The following ERC1 variants were observed in gnomAD, a reference collection of about 807,000 sequenced individuals.
ERC1 encodes RAB6 interacting protein 2.
ERC1 carries 56 observed loss-of-function variants against 132.0 expected under a neutral mutation model. That is an observed-to-expected ratio of 0.42 (90% CI 0.34 to 0.53). ERC1 has a LOEUF of 0.53. ERC1 is among the 20% of genes least tolerant of loss of function. The probability of loss-of-function intolerance (pLI) is 0.03; values close to 1 mark genes in which losing one functional copy is unlikely to be tolerated. For synonymous variants in ERC1, 478 were observed against 476.1 expected (o/e 1.00, Z -0.05); for missense variants, 1,202 against 1,349.9 (o/e 0.89, Z 1.72).
At chr12:1,136,914 C>T (rs1949298878) in intron 7 of ERC1, among the ~76,000 whole-genome samples, 1 of 152,030 alleles carries the variant, frequency 6.6e-6, no homozygotes, top group Admixed American at 6.6e-5. Context: ...TTTTCTGACT[C>T]TTCTGACATA....
chr12:1,341,069 C>CTTTTTTTTTT lies in ERC1; in HGVS notation c.2781-30731_2781-30722dup, dbSNP rs35902573. 1.7e-3 allele frequency among the ~76,000 whole-genome samples: 107 copies of CTTTTTTTTTT among 63,114 alleles called. 19 individuals are homozygous for CTTTTTTTTTT. Among genetic ancestry groups the CTTTTTTTTTT allele is most frequent in the Non-Finnish European group, 2.0e-3 (71 of 35,044 alleles). 41.4% of individuals were successfully genotyped at this position (63,114 alleles called of 152,430 possible). On this transcript the variant is annotated intron_variant, in intron 15 of 18. Transcript: ENST00000360905. ...AATGTCCACTTATTCTTTTCTTTTT[C>CTTTTTTTTTT]TTTTTTTTTTTTTTTTTTTTTTTTT... is the stretch of plus-strand genomic sequence containing the variant.
At chr12:1,111,930 A>G (rs892511963) in intron 5 of ERC1, among the ~76,000 whole-genome samples, 6 of 151,988 alleles carry the variant, frequency 3.9e-5, no homozygotes, top group Non-Finnish European at 7.4e-5. Flanking sequence ...CCAACTTTCT[A>G]TTAGTTTGGA....
Position 1,444,593 on chromosome 12 carries a change from A to C in ERC1, c.3056A>C (p.Asn1019Thr), listed in dbSNP as rs760737387. ...CAGCCCCTCTTAGAACTTGACCAAA[A>C]TAGAAGTAAATTAAAGTTGTACATT... ...IIQPLLELDQ[N>T]RSKLKLYIGH... Residue 1019 changes from asparagine to threonine, a missense_variant, in exon 18 of 19, where the codon AAT becomes ACT. Physicochemically the swap from Asn to Thr is moderately conservative, Grantham distance 65. Coordinates refer to ENST00000360905, the MANE Select transcript of ERC1 (RefSeq NM_178040.4). 2 of 1,613,288 alleles carry C rather than the reference A, an allele frequency of 1.2e-6. No homozygotes were observed. The highest frequency in any genetic ancestry group is 2.7e-5 in the African/African-American group (2 of 74,814).
intron 8 of ERC1, among the ~76,000 whole-genome samples, chr12:1,144,400 C>T (rs982517054): frequency 9.2e-5 from 14 of 152,056 alleles, no homozygotes; most frequent in African/African-American, 3.1e-4. Context: ...TTATCCCTCA[C>T]CCATTCCCAC....
intron 12 of ERC1, among the ~76,000 whole-genome samples, chr12:1,211,441 C>A (rs1957864562): frequency 6.6e-6 from 1 of 151,478 alleles, no homozygotes; most frequent in Admixed American, 6.6e-5. Context: ...AGCCACCGTG[C>A]CCGGCCTAAG....
In ERC1 at chr12:1,236,781, C is replaced by T. The variant is rs761775560; in HGVS notation, c.2364C>T (p.Asp788=). 1.9e-6 allele frequency: 3 copies of T among 1,613,172 alleles called. No homozygotes were observed. The highest frequency in any genetic ancestry group is 1.1e-5 in the South Asian group (1 of 90,944). The part of the protein sequence containing the change: ...KIAELERQVK[D]QNKKVANLKH... ...CTTCTGTCATTAGGCAAGTGAAAGA[C>T]CAGAATAAGAAGGTAGCAAATCTGA... is the stretch of plus-strand genomic sequence containing the variant. Residue 788 remains aspartate, a synonymous_variant, in exon 13 of 19, where the codon GAC becomes GAT. Transcript: ENST00000360905.
chr12:1,031,905 A>G (rs991443045), intron 2 of ERC1, among the ~76,000 whole-genome samples: 3 of 152,154 alleles, frequency 2.0e-5, no homozygotes, highest in Admixed American at 6.5e-5. Flanking sequence ...TAAAACATAG[A>G]TTGCCAGGCC....
At chr12:1,122,599 GTGTCTCT>G (rs1478181084) in intron 7 of ERC1, among the ~76,000 whole-genome samples, 394 of 3,734 alleles carry the variant, frequency 0.11, 37 homozygotes, top group Middle Eastern at 0.75. Context: ...ATCTCTATCT[GTGTCTCT>G]ATCTCTATCT....
intron 2 of ERC1, among the ~76,000 whole-genome samples, chr12:1,074,554 C>G (rs746930610): frequency 1.7e-4 from 26 of 152,134 alleles, no homozygotes; most frequent in Non-Finnish European, 3.5e-4. Context: ...CTTTGGCCTC[C>G]CAGAGTGCTG....
At chr12:1,011,260 G>A (rs960711873) in intron 1 of ERC1, among the ~76,000 whole-genome samples, 1 of 152,074 alleles carries the variant, frequency 6.6e-6, no homozygotes, top group Non-Finnish European at 1.5e-5. Context: ...GTGCAGTGTT[G>A]CCATCACCGC....
intron 14 of ERC1, among the ~76,000 whole-genome samples, chr12:1,274,480 T>TTTTATTTATTTA (rs368234236): frequency 0.027 from 4,015 of 150,196 alleles, 201 homozygotes; most frequent in African/African-American, 0.095. Context: ...TTTTATTTTA[T>TTTTATTTATTTA]TTTATTTATT....
intron 18 of ERC1, among the ~76,000 whole-genome samples, chr12:1,469,746 T>C (rs915475426): frequency 9.9e-5 from 15 of 152,188 alleles, no homozygotes; most frequent in African/African-American, 3.4e-4. Flanking sequence ...TTTAGGGGGC[T>C]GTGGGAATAT....
intron 7 of ERC1, among the ~76,000 whole-genome samples, chr12:1,137,065 T>G (rs1299008689): frequency 6.6e-6 from 1 of 151,594 alleles, no homozygotes; most frequent in Non-Finnish European, 1.5e-5. Flanking sequence ...TCACCAGTTC[T>G]TTTTTCTTTT....
chr12:1,445,311 C>T (rs2093275748), intron 18 of ERC1, among the ~76,000 whole-genome samples: 1 of 143,250 alleles, frequency 7.0e-6, no homozygotes. Flanking sequence ...CTCACTGCAA[C>T]TTCCACCTCC....
chr12:1,127,021 A>C (rs1462750969), intron 7 of ERC1, among the ~76,000 whole-genome samples: 2 of 150,842 alleles, frequency 1.3e-5, no homozygotes, highest in African/African-American at 4.9e-5. Context: ...AAACCTCAAA[A>C]ATCAATAGAG....
rs1469212381 is a variant in ERC1 at position 1,493,892 on chromosome 12, A to G, written c.*3662A>G. 2 of 229,878 alleles carry G rather than the reference A, an allele frequency of 8.7e-6. No individual in the cohort carries two copies. The highest frequency in any genetic ancestry group is 2.2e-5 in the African/African-American group (1 of 45,060). The allele number at this position is 229,878 out of a possible 1,614,324, so 14.2% of individuals were successfully genotyped here. ...CACCTGCTGAACTAATCCCTCCGCTATTGAGGGTCAGGGTTGTGAGGCAAC... is the reference window on the plus strand; with the variant it reads ...CACCTGCTGAACTAATCCCTCCGCTGTTGAGGGTCAGGGTTGTGAGGCAAC... On this transcript the variant is annotated 3_prime_UTR_variant, in exon 19 of 19. Transcript: ENST00000360905.
At chr12:1,074,965 C>T (rs1312005939) in intron 2 of ERC1, among the ~76,000 whole-genome samples, 1 of 151,744 alleles carries the variant, frequency 6.6e-6, no homozygotes, top group Non-Finnish European at 1.5e-5. Context: ...GAGTCTCCTG[C>T]TTGTGTTTAG....
chr12:1,489,196 G>A (rs2094289354), intron 18 of ERC1, among the ~76,000 whole-genome samples: 1 of 152,154 alleles, frequency 6.6e-6, no homozygotes, highest in African/African-American at 2.4e-5. Flanking sequence ...TCTGGGCCAG[G>A]CCTGTCCCAG....
intron 17 of ERC1, chr12:1,410,290 G>C (rs1025778317): frequency 2.3e-6 from 1 of 440,340 alleles, no homozygotes; most frequent in Non-Finnish European, 4.3e-6. Context: ...ATTCTCTTCT[G>C]CTACATTATG....
Sources: allele counts gnomAD v4.1 joint callset (sites outside exome capture counted in the v4.1 genomes callset), GRCh38; gene constraint gnomAD v4.1.1; transcripts MANE v1.5; gene names NCBI Gene and HGNC (gene_info 2026-07-23, HGNC 2026-07-21).